Variants in SLC2A7 observed in about 807,000 individuals in gnomAD.
The protein encoded by SLC2A7 is solute carrier family 2, facilitated glucose transporter member 7.
SLC2A7 carries 50 observed loss-of-function variants against 50.5 expected under a neutral mutation model. The ratio of observed to expected loss-of-function variants is 0.99; its 90% CI spans 0.79 to 1.25. SLC2A7 has a LOEUF of 1.25. Ranked by LOEUF, SLC2A7 falls within the 50% of genes most tolerant of loss-of-function variation. The pLI is 0.00. For missense variants in SLC2A7, 683 were observed against 679.1 expected (o/e 1.01, Z -0.06); for synonymous variants, 308 against 300.4 (o/e 1.03, Z -0.26).
chr1:9,022,791 C>T (rs930083002), intron 3 of SLC2A7, 127 bp downstream of exon 3: 32 of 1,268,504 alleles, frequency 2.5e-5, no homozygotes, highest in Middle Eastern at 2.8e-4. Flanking sequence ...TGTGGCCAAG[C>T]GGAGACTAGA....
chr1:9,016,586 G>A (rs759104310), intron 5 of SLC2A7, among the ~76,000 whole-genome samples: 8 of 151,792 alleles, frequency 5.3e-5, no homozygotes, highest in Non-Finnish European at 8.8e-5. Context: ...TCCAGCCTGG[G>A]TGACAGAGTG....
chr1:9,017,148 CTA>C (rs996148731), intron 5 of SLC2A7, among the ~76,000 whole-genome samples: 5 of 152,140 alleles, frequency 3.3e-5, no homozygotes, highest in African/African-American at 1.2e-4. Context: ...TGGAGAAATC[CTA>C]TCTTTACTAA....
intron 10 of SLC2A7, among the ~76,000 whole-genome samples, chr1:9,005,129 AATGACGCTCC>A (rs1640636108): frequency 6.6e-6 from 1 of 152,206 alleles, no homozygotes; most frequent in South Asian, 2.1e-4. Context: ...CTTCAAGGCC[AATGACGCTCC>A]ATGAAGGTTT....
At position 9,003,209 on chromosome 1, in the gene SLC2A7, T is replaced by C. The variant is rs79994770; in HGVS notation, c.*91A>G. 1.2e-4 allele frequency: 143 copies of C among 1,171,784 alleles called. No homozygotes were observed. In the African/African-American group the frequency reaches 2.1e-3, roughly 17 times the overall value. 72.6% of individuals were successfully genotyped at this position (1,171,784 alleles called of 1,614,324 possible). ...ATGGGGGCAACGACAAAAGCCTCCG[T>C]GCTATTATCCTCCCCAGAGCCTGGG... On this transcript the variant is annotated 3_prime_UTR_variant, in exon 12 of 12. Transcript: ENST00000400906.
intron 8 of SLC2A7, among the ~76,000 whole-genome samples, chr1:9,013,183 C>T (rs1323746787): frequency 1.3e-5 from 2 of 152,160 alleles, no homozygotes; most frequent in African/African-American, 2.4e-5. Flanking sequence ...TGTGCCACCA[C>T]ACCTGGCTAA....
At chr1:9,020,554 C>CCA in intron 3 of SLC2A7, among the ~76,000 whole-genome samples, 1 of 144,248 alleles carries the variant, frequency 6.9e-6, no homozygotes, top group East Asian at 2.3e-4. Flanking sequence ...TCCTGTGCCC[C>CCA]CCCCCACCCC....
intron 11 of SLC2A7, 31 bp downstream of exon 11, chr1:9,004,721 G>A (rs1248679118): frequency 5.6e-6 from 9 of 1,612,720 alleles, no homozygotes; most frequent in Admixed American, 1.7e-5. Context: ...GAGGCCCGGT[G>A]GAGCGGGTTG....
At chr1:8,997,830 G>T in the SLC2A7 span, among the ~76,000 whole-genome samples, 1 of 152,072 alleles carries the variant, frequency 6.6e-6, no homozygotes, top group African/African-American at 2.4e-5. Context: ...CTTTCAAATA[G>T]AAAATTTTAT....
chr1:9,010,504 C>G (rs549975141), intron 8 of SLC2A7, among the ~76,000 whole-genome samples: 1 of 152,304 alleles, frequency 6.6e-6, no homozygotes, highest in South Asian at 2.1e-4. Flanking sequence ...ATTACAGGCA[C>G]CTGCCACCAT....
chr1:9,007,468 C>A (rs1014636590), intron 9 of SLC2A7, 83 bp from the exon 10 acceptor site: 4 of 1,310,110 alleles, frequency 3.1e-6, no homozygotes, highest in Admixed American at 1.9e-5. Context: ...CACCTTCCTG[C>A]CCCAGGGAGG....
chr1:9,025,553 C>G (rs929967184), intron 1 of SLC2A7, among the ~76,000 whole-genome samples: 2 of 152,062 alleles, frequency 1.3e-5, no homozygotes, highest in African/African-American at 4.8e-5. Context: ...CAGGGAAGGC[C>G]TCTCTGAGCA....
rs34545462 is a variant in SLC2A7, at chr1:9,019,242, C to T, written c.403G>A (p.Val135Ile). ...ACTCCCAGCACCACTCGGGAAAAGACGATCAGCTCAAAAGCCTTGGCCACT... is the reference window on the plus strand; with the variant it reads ...ACTCCCAGCACCACTCGGGAAAAGATGATCAGCTCAAAAGCCTTGGCCACT... Reference protein sequence around the residue: ...SKVAKAFELIVFSRVVLGVCA... With the variant: ...SKVAKAFELIIFSRVVLGVCA... Residue 135 changes from valine (V) to isoleucine (I), a missense_variant, in exon 4 of 12, where the codon GTC becomes ATC. Transcript: ENST00000400906. 6.1e-3 allele frequency: 9,799 copies of T among 1,614,044 alleles called. 225 individuals carry two copies. The highest frequency in any genetic ancestry group is 0.058 in the African/African-American group (4,350 of 75,014).
intron 3 of SLC2A7, among the ~76,000 whole-genome samples, chr1:9,022,097 A>C (rs1321219330): frequency 6.6e-6 from 1 of 152,242 alleles, no homozygotes; most frequent in Non-Finnish European, 1.5e-5. Context: ...TTAATAGATA[A>C]TTAATTTTCA....
chr1:9,019,194 C>T lies in SLC2A7; in HGVS notation c.436+15G>A, dbSNP rs920429503. 3.0e-5 allele frequency: 49 copies of T among 1,612,444 alleles called. No homozygotes were observed. The highest frequency in any genetic ancestry group is 4.2e-5 in the Non-Finnish European group (49 of 1,179,152). On this transcript the variant is annotated intron_variant, in intron 4 of 11. Coordinates refer to ENST00000400906, the MANE Select transcript of SLC2A7 (RefSeq NM_207420.3). ...CCTTCCCCCAAGGCTGAGCCGGAGCCTGGGCCCCAGGTACCTGCACAGACT... is the reference window on the plus strand; with the variant it reads ...CCTTCCCCCAAGGCTGAGCCGGAGCTTGGGCCCCAGGTACCTGCACAGACT...
intron 3 of SLC2A7, among the ~76,000 whole-genome samples, chr1:9,021,006 A>G (rs1640905628): frequency 6.6e-6 from 1 of 152,022 alleles, no homozygotes; most frequent in Admixed American, 6.5e-5. Flanking sequence ...GCCACGTGGA[A>G]CTGTGAGTCC....
rs566380374 is a variant in SLC2A7, at chr1:9,004,774, C to T, written c.1298G>A (p.Gly433Asp). The stretch of plus-strand genomic sequence containing the variant: ...CACCTGGATGGATGGGAACAGGAAG[C>T]CTATGATGAAGTTGGTGAGCCAGTG... ...AVHWLTNFIIGFLFPSIQEAI... is the reference protein window; with the variant it reads ...AVHWLTNFIIDFLFPSIQEAI... The change falls in exon 11 of 12, where the codon GGC (glycine) becomes GAC (aspartate). Residue 433 changes from glycine to aspartate, a missense_variant. Coordinates refer to ENST00000400906, the MANE Select transcript of SLC2A7 (RefSeq NM_207420.3). 4.8e-5 allele frequency: 78 copies of T among 1,614,062 alleles called. No individual in the cohort carries two copies. The highest frequency in any genetic ancestry group is 4.0e-4 in the African/African-American group (30 of 75,040).
downstream of SLC2A7, among the ~76,000 whole-genome samples, chr1:9,002,245 G>A (rs1427742940): frequency 6.6e-6 from 1 of 152,086 alleles, no homozygotes; most frequent in East Asian, 1.9e-4. Context: ...ACCCGTAAAG[G>A]GTCTGTGCCG....
chr1:9,016,795 G>A (rs1055158434), intron 5 of SLC2A7, among the ~76,000 whole-genome samples: 3 of 152,008 alleles, frequency 2.0e-5, no homozygotes, highest in Admixed American at 6.5e-5. Context: ...ATTCAGGCCC[G>A]CCTGGTGGTC....
chr1:9,011,393 C>T (rs1302222320), intron 8 of SLC2A7, among the ~76,000 whole-genome samples: 1 of 152,196 alleles, frequency 6.6e-6, no homozygotes, highest in East Asian at 1.9e-4. Context: ...GTGGCTCACA[C>T]CTGTAATCTC....
Sources: gnomAD v4.1 joint callset for allele counts (sites outside exome capture counted in the v4.1 genomes callset) on GRCh38, gnomAD v4.1.1 for gene constraint, MANE v1.5 for transcripts, NCBI Gene and HGNC (gene_info 2026-07-23, HGNC 2026-07-21) for gene names.